ABCA10: variants seen among roughly 807,000 people sequenced by gnomAD.
ABCA10 encodes ATP binding cassette subfamily A member 10.
In ABCA10, 169 loss-of-function variants were observed where a neutral mutation model predicts 187.5. The observed-to-expected ratio is 0.90, with a 90% CI of 0.80 to 1.02. ABCA10 has a LOEUF of 1.02. ABCA10 is among the 50% of genes least tolerant of loss of function. The pLI is 0.00. For missense variants in ABCA10, 1,727 were observed against 1,812.4 expected, an observed-to-expected ratio of 0.95 and a Z score of 0.86; for synonymous variants, 574 against 601.8, an observed-to-expected ratio of 0.95 and a Z score of 0.68.
chr17:69,239,118 T>A (rs2074889116), intron 1 of ABCA10, among the ~76,000 whole-genome samples: 1 of 151,938 alleles, frequency 6.6e-6, no homozygotes, highest in South Asian at 2.1e-4. Context: ...CAGAGGTGAT[T>A]GGGGTGTTTA....
chr17:69,242,066 A>C (rs1400195615), intron 1 of ABCA10, among the ~76,000 whole-genome samples: 2 of 152,216 alleles, frequency 1.3e-5, no homozygotes, highest in African/African-American at 4.8e-5. Context: ...TAACACTAGA[A>C]GCTGAGATTT....
chr17:69,151,839 C>A (rs1029584914), intron 36 of ABCA10, among the ~76,000 whole-genome samples: 9 of 152,254 alleles, frequency 5.9e-5, no homozygotes, highest in African/African-American at 2.2e-4. Context: ...ACACACACAC[C>A]ATTCACCTTT....
upstream of ABCA10, among the ~76,000 whole-genome samples, chr17:69,231,503 C>T (rs2074831873): frequency 6.6e-6 from 1 of 152,028 alleles, no homozygotes; most frequent in Admixed American, 6.6e-5. Flanking sequence ...AAATATTTTC[C>T]TTTTTAATTG....
At chr17:69,183,697 C>A (rs1438344696) in intron 20 of ABCA10, among the ~76,000 whole-genome samples, 1 of 152,072 alleles carries the variant, frequency 6.6e-6, no homozygotes, top group African/African-American at 2.4e-5. Flanking sequence ...TGGGAGGAAC[C>A]CTGTGGGCAC....
rs755687994 is a variant in ABCA10, at chr17:69,175,523, G to A, written c.2770-10C>T. On this transcript the variant is annotated splice_polypyrimidine_tract_variant and intron_variant, in intron 22 of 38. Transcript: ENST00000690296. ...CCAGCACTATGTCATCCTGAAAGAT[G>A]AAAACACATCAGTAAGCTGTTGCAA... 5.8e-5 allele frequency: 91 copies of A among 1,580,914 alleles called. No homozygotes were observed. The Admixed American group carries it at 6.7e-4, about 12-fold the overall frequency.
chr17:69,236,871 C>T (rs1243513268), intron 1 of ABCA10, among the ~76,000 whole-genome samples: 1 of 152,084 alleles, frequency 6.6e-6, no homozygotes, highest in Non-Finnish European at 1.5e-5. Context: ...GACAGTCTCT[C>T]ACAACGAAAA....
chr17:69,190,568 T>C, intron 17 of ABCA10, 91 bp from the exon 18 acceptor site: 3 of 1,199,056 alleles, frequency 2.5e-6, no homozygotes, highest in Non-Finnish European at 1.1e-6. Flanking sequence ...AAAATAGATG[T>C]CTACAAATGT....
rs753562346 is a variant in ABCA10 at position 69,201,609 on chromosome 17, G to T, written c.1066C>A (p.His356Asn). 1 of 1,612,294 alleles carries T rather than the reference G, an allele frequency of 6.2e-7. No individual in the cohort carries two copies. The highest frequency in any genetic ancestry group is 8.5e-7 in the Non-Finnish European group (1 of 1,179,388). The change falls in exon 10 of 39, where the codon CAT becomes AAT. Residue 356 changes from histidine (H) to asparagine (N), a missense_variant. Transcript: ENST00000690296. ...AAGATTTCATGATGAGTATTTTGAT[G>T]TTTGGACCAAAATGAGGACTTAAGG... ...FFLKSSFWSKHQNTHHEIFEN... is the reference protein window; with the variant it reads ...FFLKSSFWSKNQNTHHEIFEN...
At chr17:69,192,929 T>A (rs909270551) in intron 15 of ABCA10, among the ~76,000 whole-genome samples, 181 bp downstream of exon 15, 1 of 152,230 alleles carries the variant, frequency 6.6e-6, no homozygotes, top group Non-Finnish European at 1.5e-5. Context: ...TACTTTGCCA[T>A]GTAACTTTGC....
Position 69,193,860 on chromosome 17 carries a change from A to G in ABCA10, c.1475T>C (p.Val492Ala), listed in dbSNP as rs746088738. ...DFLTVRENLR[V>A]FAKIKGIQPK... ...CTGAATCCCTTTTATTTTAGCAAAT[A>G]CCCTGAGGTTTTCTCTCACAGTGAG... The change falls in exon 13 of 39, where the codon GTA becomes GCA. Residue 492 changes from valine (V) to alanine (A), a missense_variant. By Grantham distance (64) the Val-to-Ala change is moderately conservative. Transcript: ENST00000690296. 7.4e-6 allele frequency: 12 copies of G among 1,613,510 alleles called. No individual in the cohort carries two copies. The South Asian group carries it at 1.2e-4, about 16-fold the overall frequency.
At chr17:69,215,588 G>A (rs1041076051) in intron 8 of ABCA10, 15 of 389,762 alleles carry the variant, frequency 3.8e-5, no homozygotes, top group Non-Finnish European at 6.7e-5. Context: ...GTCAGATAAT[G>A]GGCAATTATT....
chr17:69,242,479 T>C (rs2074908864), intron 1 of ABCA10, among the ~76,000 whole-genome samples: 1 of 152,220 alleles, frequency 6.6e-6, no homozygotes, highest in South Asian at 2.1e-4. Flanking sequence ...TCTGTTTTTT[T>C]CTTGAGACAG....
intron 11 of ABCA10, 55 bp downstream of exon 11, chr17:69,197,009 A>AGG (rs1555661565): frequency 7.2e-6 from 8 of 1,113,766 alleles, no homozygotes; most frequent in East Asian, 2.7e-5. Context: ...CCGTGGACAG[A>AGG]GGGAGGGGGA....
intron 35 of ABCA10, 62 bp from the exon 36 acceptor site, chr17:69,152,245 T>C: frequency 6.3e-7 from 1 of 1,575,318 alleles, no homozygotes. Context: ...GTTCTCACTG[T>C]AGAGGAAGGT....
At chr17:69,216,461 A>AGGC (rs2074706107) in intron 6 of ABCA10, 103 bp from the exon 7 acceptor site, 2 of 1,305,980 alleles carry the variant, frequency 1.5e-6, no homozygotes, top group Non-Finnish European at 1.0e-6. Context: ...TCAGGACTAA[A>AGGC]TTTATTCTAA....
intron 1 of ABCA10, among the ~76,000 whole-genome samples, chr17:69,241,256 T>C (rs1215020101): frequency 3.9e-5 from 6 of 152,314 alleles, no homozygotes; most frequent in Non-Finnish European, 4.4e-5. Flanking sequence ...CCATACTCCA[T>C]GTACTATAAT....
At chr17:69,238,331 T>G (rs190075289) in intron 1 of ABCA10, among the ~76,000 whole-genome samples, 1 of 152,220 alleles carries the variant, frequency 6.6e-6, no homozygotes, top group East Asian at 1.9e-4. Context: ...GCCACTCAAT[T>G]TGTGGTACTA....
At position 69,182,764 on chromosome 17, in the gene ABCA10, T is replaced by C. The variant is rs1300637067; in HGVS notation, c.2542A>G (p.Ile848Val). 2 of 1,610,858 alleles carry C rather than the reference T, an allele frequency of 1.2e-6. No individual in the cohort carries two copies. Among genetic ancestry groups the C allele is most frequent in the African/African-American group, 1.3e-5 (1 of 74,514 alleles). ...CTAAAGTCATCTATTTCCAAAACTATATCCTGACACTTCAGTGAATGCACG... is the reference window on the plus strand; with the variant it reads ...CTAAAGTCATCTATTTCCAAAACTACATCCTGACACTTCAGTGAATGCACG... Reference protein sequence around the residue: ...DLVHSLKCQDIVLEIDDFRNR... With the variant: ...DLVHSLKCQDVVLEIDDFRNR... Residue 848 changes from isoleucine to valine, a missense_variant, in exon 21 of 39, where the codon ATA becomes GTA. Physicochemically the swap from Ile to Val is conservative, Grantham distance 29. Transcript: ENST00000690296.
At chr17:69,153,428 C>G (rs774454802) in intron 33 of ABCA10, 29 bp from the exon 34 acceptor site, 1 of 1,613,634 alleles carries the variant, frequency 6.2e-7, no homozygotes, top group South Asian at 1.1e-5. Context: ...CCCGTCGGCA[C>G]CCAGCCATGG....
Sources: gnomAD v4.1 joint callset for allele counts (sites outside exome capture counted in the v4.1 genomes callset) on GRCh38, gnomAD v4.1.1 for gene constraint, MANE v1.5 for transcripts, NCBI Gene and HGNC (gene_info 2026-07-23, HGNC 2026-07-21) for gene names.